The following CHAF1A variants were observed in gnomAD, a reference collection of about 807,000 sequenced individuals.
CHAF1A encodes the protein CAF-1 subunit A.
CHAF1A carries 5 observed loss-of-function variants against 93.2 expected under a neutral mutation model. The observed-to-expected ratio is 0.05, with a 90% CI of 0.03 to 0.11. The LOEUF (loss-of-function observed/expected upper bound fraction) is 0.11. Ranked by LOEUF, CHAF1A falls within the 10% of genes least tolerant of loss-of-function variation. The pLI, the probability that CHAF1A is intolerant of heterozygous loss-of-function variation, is 1.00. For missense variants in CHAF1A, 1,102 were observed against 1,259.9 expected (o/e 0.87, Z 1.90); for synonymous variants, 504 against 510.3 (o/e 0.99, Z 0.17).
chr19:4,417,318 T>A (rs1973912045), intron 3 of CHAF1A, among the ~76,000 whole-genome samples: 1 of 152,122 alleles, frequency 6.6e-6, no homozygotes, highest in South Asian at 2.1e-4. Context: ...ATTCCTAATA[T>A]CAGCTTCTCT....
intron 13 of CHAF1A, among the ~76,000 whole-genome samples, chr19:4,441,675 G>A (rs243380): frequency 0.53 from 81,136 of 151,682 alleles, 22,201 homozygotes; most frequent in Admixed American, 0.71. Flanking sequence ...GGGAGGCTGA[G>A]GCGGGCGGAT....
chr19:4,435,096 T>G (rs1318956624), intron 13 of CHAF1A, among the ~76,000 whole-genome samples: 21 of 136,534 alleles, frequency 1.5e-4, no homozygotes, highest in African/African-American at 5.8e-4. Context: ...CCTTTTTTTT[T>G]TTTTTTTTTT....
chr19:4,439,936 C>T (rs1568183858), intron 13 of CHAF1A, among the ~76,000 whole-genome samples: 3 of 152,126 alleles, frequency 2.0e-5, no homozygotes, highest in Admixed American at 2.0e-4. Context: ...ACCCATGCTG[C>T]CTGGGGAGAG....
intron 3 of CHAF1A, among the ~76,000 whole-genome samples, chr19:4,410,226 T>A (rs188252912): frequency 4.5e-4 from 68 of 151,818 alleles, no homozygotes; most frequent in Non-Finnish European, 5.0e-4. Flanking sequence ...TTCTGTAGGG[T>A]CAGCACAGCC....
chr19:4,447,696 C>G (rs1163752278), downstream of CHAF1A: 1 of 1,498,986 alleles, frequency 6.7e-7, no homozygotes, highest in African/African-American at 1.4e-5. Context: ...GCCTCCTGCT[C>G]CAGGTAACAG....
chr19:4,412,680 A>C lies in CHAF1A; in HGVS notation c.960+2921A>C, dbSNP rs1599641271. ...ACAATCCTGCCCGCTTTCTAAAACAACTGAGCACATGAACCCAGTGTGCAA... is the reference window on the plus strand; with the variant it reads ...ACAATCCTGCCCGCTTTCTAAAACACCTGAGCACATGAACCCAGTGTGCAA... On this transcript the variant is annotated intron_variant, in intron 3 of 14. Transcript: ENST00000301280. Among the ~76,000 whole-genome samples, 6 of 152,358 alleles carry C rather than the reference A, an allele frequency of 3.9e-5. 1 individual carries two copies. Among genetic ancestry groups the C allele is most frequent in the Admixed American group, 3.9e-4 (6 of 15,304 alleles).
At chr19:4,406,293 A>G (rs1973678792) in intron 2 of CHAF1A, among the ~76,000 whole-genome samples, 1 of 152,168 alleles carries the variant, frequency 6.6e-6, no homozygotes, top group African/African-American at 2.4e-5. Flanking sequence ...AAATATCTCT[A>G]TACGTGGCTG....
chr19:4,443,354 C>G lies in CHAF1A; in HGVS notation c.*329C>G, dbSNP rs988315879. The G allele has an allele frequency of 7.5e-5, 25 of 332,972 alleles. No homozygotes were observed. The highest frequency in any genetic ancestry group is 5.4e-4 in the African/African-American group (25 of 46,308). The allele number at this position is 332,972 out of a possible 1,614,324, so 20.6% of individuals were successfully genotyped here. ...CCCGCCTGGCCACGTGCGCGGGCCC[C>G]TGGACCTAACGAGGCAGTGTATAAA... On this transcript the variant is annotated 3_prime_UTR_variant, in exon 15 of 15. Transcript: ENST00000301280.
At chr19:4,413,100 TCTCA>T (rs1973836566) in intron 3 of CHAF1A, among the ~76,000 whole-genome samples, 1 of 152,122 alleles carries the variant, frequency 6.6e-6, no homozygotes, top group Non-Finnish European at 1.5e-5. Context: ...TGAGGCGGAA[TCTCA>T]CTCTTTTGCC....
intron 4 of CHAF1A, among the ~76,000 whole-genome samples, chr19:4,421,534 T>C (rs1973991104): frequency 6.6e-6 from 1 of 152,074 alleles, no homozygotes; most frequent in African/African-American, 2.4e-5. Context: ...TCCAACACTT[T>C]GGGAGGCTAA....
chr19:4,432,758 T>TAAA lies in CHAF1A; in HGVS notation c.2204-299_2204-297dup, dbSNP rs5826849. Among the ~76,000 whole-genome samples the TAAA allele has an allele frequency of 2.3e-3, 315 of 135,874 alleles. 3 individuals carry two copies. Among genetic ancestry groups the TAAA allele is most frequent in the Admixed American group, 5.1e-3 (70 of 13,682 alleles). The allele number at this position is 135,874 out of a possible 152,430, so 89.1% of individuals were successfully genotyped here. On this transcript the variant is annotated intron_variant, in intron 12 of 14. Transcript: ENST00000301280. ...CTGGGTGACAGAGCAAGACCCTGTC[T>TAAA]AAAAAAAAAAAAAAACTCAAAAAAC...
At chr19:4,439,114 C>T (rs1214197859) in intron 13 of CHAF1A, among the ~76,000 whole-genome samples, 2 of 151,854 alleles carry the variant, frequency 1.3e-5, no homozygotes, top group African/African-American at 4.8e-5. Flanking sequence ...GAAACCCCAT[C>T]TCTAAAAATG....
chr19:4,426,761 A>T (rs1403346563), intron 7 of CHAF1A, among the ~76,000 whole-genome samples: 7 of 152,206 alleles, frequency 4.6e-5, no homozygotes, highest in Admixed American at 4.6e-4. Flanking sequence ...GGTGTGAGCC[A>T]CCACGCCCAG....
rs976405517 is a variant in CHAF1A at position 4,432,228 on chromosome 19, G to A, written c.2203+21G>A. ...GCAGAGTGAGTGTGGGCGGGGCCAG[G>A]CCACCCACCTGTTCCTGGGCCCAGC... On this transcript the variant is annotated intron_variant, in intron 12 of 14. Transcript: ENST00000301280. The A allele has an allele frequency of 5.7e-6, 9 of 1,578,924 alleles. No homozygotes were observed. The African/African-American group carries it at 8.1e-5, about 14-fold the overall frequency.
chr19:4,429,621 G>C lies in CHAF1A; in HGVS notation c.1773+15G>C, dbSNP rs1974145163. 5 of 1,613,976 alleles carry C rather than the reference G, an allele frequency of 3.1e-6. No individual in the cohort carries two copies. The highest frequency in any genetic ancestry group is 4.2e-6 in the Non-Finnish European group (5 of 1,180,006). On this transcript the variant is annotated intron_variant, in intron 9 of 14. Coordinates refer to ENST00000301280, the MANE Select transcript of CHAF1A (RefSeq NM_005483.3). ...CCCAGGACACGGTGAGCTAGCCCCA[G>C]AGTGCCTCCGTCCCCGTACCTCCTC... is the stretch of plus-strand genomic sequence containing the variant.
intron 2 of CHAF1A, 73 bp downstream of exon 2, chr19:4,406,035 G>C: frequency 8.2e-7 from 1 of 1,223,314 alleles, no homozygotes; most frequent in Non-Finnish European, 1.2e-6. Context: ...GGAGACCTCA[G>C]TGGAAGCCTG....
At chr19:4,407,118 C>T (rs1184686234) in intron 2 of CHAF1A, among the ~76,000 whole-genome samples, 2 of 151,828 alleles carry the variant, frequency 1.3e-5, no homozygotes, top group Non-Finnish European at 2.9e-5. Flanking sequence ...ACTCAGGAGG[C>T]CGAGGCAAGA....
At chr19:4,408,524 A>AGT (rs1973728261) in intron 2 of CHAF1A, among the ~76,000 whole-genome samples, 1 of 117,864 alleles carries the variant, frequency 8.5e-6, no homozygotes, top group South Asian at 2.9e-4. Flanking sequence ...CCCAGGCTAC[A>AGT]GTGCAGTGTT....
chr19:4,423,252 G>A, intron 5 of CHAF1A, 83 bp from the exon 6 acceptor site: 1 of 1,580,784 alleles, frequency 6.3e-7, no homozygotes, highest in South Asian at 1.2e-5. Flanking sequence ...TGAAATACTT[G>A]CCATATACTA....
Sources: allele counts gnomAD v4.1 joint callset (sites outside exome capture counted in the v4.1 genomes callset), GRCh38; gene constraint gnomAD v4.1.1; transcripts MANE v1.5; gene names NCBI Gene and HGNC (gene_info 2026-07-23, HGNC 2026-07-21).